Variants in GGT7 observed in about 807,000 individuals in gnomAD.
GGT7 encodes the protein gamma-glutamyltransferase 7.
A neutral mutation model predicts 69.2 loss-of-function variants in GGT7; 30 were observed. The observed-to-expected ratio is 0.43, with a 90% CI of 0.32 to 0.59. The LOEUF is 0.59. GGT7 is among the 20% of genes least tolerant of loss of function. The pLI, the probability that GGT7 is intolerant of heterozygous loss-of-function variation, is 0.05. For synonymous variants in GGT7, 388 were observed against 391.8 expected (o/e 0.99, Z 0.12); for missense variants, 733 against 901.1 (o/e 0.81, Z 2.39).
At chr20:34,854,689 G>T in intron 9 of GGT7, 70 bp from the exon 10 acceptor site, 1 of 1,576,724 alleles carries the variant, frequency 6.3e-7, no homozygotes, top group Non-Finnish European at 8.7e-7. Context: ...GTGGACTTTC[G>T]TGTGTGAGAA....
chr20:34,860,067 T>C, intron 5 of GGT7, 25 bp from the exon 6 acceptor site: 1 of 657,204 alleles, frequency 1.5e-6, no homozygotes, highest in Non-Finnish European at 2.1e-6. Flanking sequence ...GAGCAGGGGG[T>C]GGAGGAGGTC....
rs769420871 is a variant in GGT7 at position 34,854,908 on chromosome 20, C to T, written c.1118G>A (p.Ser373Asn). ...AGGGCCCGTGTGCGGAGGTGGGGGA[C>T]TAAGAACCAGGTGGCCTGAAAGGAC... ...CGVYRGHLVL[S>N]PPPPHTGPAL... The change falls in exon 9 of 15, where the codon AGT (serine) becomes AAT (asparagine). Residue 373 changes from serine (S) to asparagine (N), a missense_variant. Coordinates refer to ENST00000336431, the MANE Select transcript of GGT7 (RefSeq NM_178026.3). The T allele has an allele frequency of 6.2e-7, 1 of 1,613,896 alleles. No homozygotes were observed.
Position 34,845,304 on chromosome 20 carries a change from GA to G in GGT7, c.*23del. ...TGGGAACATGCAAAGTGGGGGAGCAGAGACCCCGCCCCACCCCGCTGCTCTA... is the reference window on the plus strand; with the variant it reads ...TGGGAACATGCAAAGTGGGGGAGCAGGACCCCGCCCCACCCCGCTGCTCTA... On this transcript the variant is annotated 3_prime_UTR_variant, in exon 15 of 15. Coordinates refer to ENST00000336431, the MANE Select transcript of GGT7 (RefSeq NM_178026.3). 1 of 1,599,812 alleles carries G rather than the reference GA, an allele frequency of 6.3e-7. No individual in the cohort carries two copies. Among genetic ancestry groups the G allele is most frequent in the South Asian group, 1.1e-5 (1 of 89,506 alleles).
At chr20:34,860,084 GAA>G in intron 5 of GGT7, 42 bp from the exon 6 acceptor site, 1 of 532,748 alleles carries the variant, frequency 1.9e-6, no homozygotes, top group South Asian at 1.5e-5. Flanking sequence ...GGTCCTGGGG[GAA>G]TGAGGAGGGG....
Position 34,872,712 on chromosome 20 carries a change from G to A in GGT7, c.104C>T (p.Pro35Leu), listed in dbSNP as rs1601253320. The A allele has an allele frequency of 1.3e-6, 2 of 1,488,842 alleles. No individual in the cohort carries two copies. The highest frequency in any genetic ancestry group is 1.8e-6 in the Non-Finnish European group (2 of 1,123,564). The allele number at this position is 1,488,842 out of a possible 1,614,324, so 92.2% of individuals were successfully genotyped here. ...GCCCCTCAGCGGGGCCGCGGGCGCCGGCTCGTCCTCGGGCAGCCGCGGGAA... is the reference window on the plus strand; with the variant it reads ...GCCCCTCAGCGGGGCCGCGGGCGCCAGCTCGTCCTCGGGCAGCCGCGGGAA... ...TSFPRLPEDE[P>L]APAAPLRGRK... Residue 35 changes from proline (P) to leucine (L), a missense_variant, in exon 1 of 15, where the codon CCG becomes CTG. Pro to Leu is a moderately conservative substitution (Grantham distance 98). Coordinates refer to ENST00000336431, the MANE Select transcript of GGT7 (RefSeq NM_178026.3).
chr20:34,868,881 G>A (rs2079735866), intron 1 of GGT7, among the ~76,000 whole-genome samples: 1 of 152,212 alleles, frequency 6.6e-6, no homozygotes, highest in African/African-American at 2.4e-5. Context: ...CCCACCAAAA[G>A]AAGGCAGAGC....
Position 34,861,571 on chromosome 20 carries a change from G to C in GGT7, c.558-9C>G, listed in dbSNP as rs1260956196. The stretch of plus-strand genomic sequence containing the variant: ...CCAGCATCACGCCCCCACTGGGAGA[G>C]ACACAGAAGGGGAAGTGTGATGATA... On this transcript the variant is annotated splice_polypyrimidine_tract_variant and intron_variant, in intron 3 of 14. Coordinates refer to ENST00000336431, the MANE Select transcript of GGT7 (RefSeq NM_178026.3). 2.1e-6 allele frequency: 3 copies of C among 1,417,718 alleles called. No homozygotes were observed. The highest frequency in any genetic ancestry group is 1.5e-5 in the South Asian group (1 of 67,186). 87.8% of individuals were successfully genotyped at this position (1,417,718 alleles called of 1,614,324 possible). A position where few individuals can be genotyped will look rare whatever the true frequency, so the allele number is the denominator to read the frequency against.
intron 13 of GGT7, 49 bp from the exon 14 acceptor site, chr20:34,850,109 G>C: frequency 8.0e-7 from 1 of 1,252,820 alleles, no homozygotes; most frequent in African/African-American, 1.5e-5. Flanking sequence ...AGGGGTGATG[G>C]TCCAGGATTC....
chr20:34,854,871 A>G lies in GGT7; in HGVS notation c.1155T>C (p.Ser385=), dbSNP rs1208279430. 1.9e-6 allele frequency: 3 copies of G among 1,613,932 alleles called. No individual in the cohort carries two copies. Among genetic ancestry groups the G allele is most frequent in the Non-Finnish European group, 2.5e-6 (3 of 1,179,912 alleles). ...PPPHTGPALI[S]ALNILEGFNL... ...TGAAGCCCTCCAGGATGTTGAGAGC[A>G]CTGATGAGGGCAGGGCCCGTGTGCG... The change falls in exon 9 of 15, where the codon AGT becomes AGC. Residue 385 remains serine (S), a synonymous_variant. Transcript: ENST00000336431.
intron 1 of GGT7, among the ~76,000 whole-genome samples, chr20:34,869,514 A>G (rs1232360975): frequency 2.0e-5 from 3 of 152,158 alleles, no homozygotes; most frequent in African/African-American, 7.2e-5. Context: ...CATGACCAGA[A>G]GCGATGGATG....
At chr20:34,859,766 T>C in intron 6 of GGT7, 127 bp from the exon 7 acceptor site, 1 of 862,368 alleles carries the variant, frequency 1.2e-6, no homozygotes, top group Non-Finnish European at 1.8e-6. Flanking sequence ...AGGAGCCTGT[T>C]AAGTGCGAGG....
chr20:34,859,703 A>G, intron 6 of GGT7, 64 bp from the exon 7 acceptor site: 1 of 1,342,862 alleles, frequency 7.4e-7, no homozygotes, highest in Admixed American at 2.2e-5. Context: ...TGAGACGCGC[A>G]ATAGATGGGG....
chr20:34,868,621 CTCCCTCA>C (rs1404183139), intron 1 of GGT7, among the ~76,000 whole-genome samples: 1 of 152,176 alleles, frequency 6.6e-6, no homozygotes, highest in Non-Finnish European at 1.5e-5. Context: ...TCTCAGCCAA[CTCCCTCA>C]TCCCTGACCA....
chr20:34,861,959 T>C (rs557620518), intron 3 of GGT7, among the ~76,000 whole-genome samples: 1 of 152,256 alleles, frequency 6.6e-6, no homozygotes, highest in Non-Finnish European at 1.5e-5. Context: ...TATGTAAGGA[T>C]AGAACATGCA....
Position 34,861,504 on chromosome 20 carries a change from G to T in GGT7, c.616C>A (p.Arg206=). ...CTGAGGGCCCCTGGTGCGGACTCCCGGAAATCAATTAGGTGGCTCTCATTT... is the reference window on the plus strand; with the variant it reads ...CTGAGGGCCCCTGGTGCGGACTCCCTGAAATCAATTAGGTGGCTCTCATTT... ...RRNESHLIDF[R]ESAPGALREE... is the part of the protein sequence containing the mutation. Residue 206 remains arginine, a synonymous_variant, in exon 4 of 15, where the codon CGG becomes AGG. Coordinates refer to ENST00000336431, the MANE Select transcript of GGT7 (RefSeq NM_178026.3). 1 of 1,546,142 alleles carries T rather than the reference G, an allele frequency of 6.5e-7. No homozygotes were observed. The highest frequency in any genetic ancestry group is 8.8e-7 in the Non-Finnish European group (1 of 1,135,158).
rs762380218 is a variant in GGT7, at chr20:34,872,838, C to T, written c.-23G>A. The T allele has an allele frequency of 7.6e-7, 1 of 1,322,724 alleles. No individual in the cohort carries two copies. The highest frequency in any genetic ancestry group is 2.1e-5 in the South Asian group (1 of 48,466). 81.9% of individuals were successfully genotyped at this position (1,322,724 alleles called of 1,614,324 possible). A position where few individuals can be genotyped will look rare whatever the true frequency, so the allele number is the denominator to read the frequency against. On this transcript the variant is annotated 5_prime_UTR_variant, in exon 1 of 15. Coordinates refer to ENST00000336431, the MANE Select transcript of GGT7 (RefSeq NM_178026.3). ...CATCCTCGCCCGCGCCCCCCAGCAG[C>T]GCAGCGCCTGCCGGAAGTGGCTGCG...
In GGT7 at chr20:34,863,558, G is replaced by A. The variant is rs1353533081; in HGVS notation, c.170-10C>T. The A allele has an allele frequency of 1.9e-6, 3 of 1,546,626 alleles. No individual in the cohort carries two copies. The East Asian group carries it at 7.3e-5, about 37-fold the overall frequency. ...AGGAAGGAGTCCGGGTCTGCGGGCA[G>A]GCAGCCGGGGTCGGTCTGGGCATCT... On this transcript the variant is annotated splice_polypyrimidine_tract_variant and intron_variant, in intron 1 of 14. Coordinates refer to ENST00000336431, the MANE Select transcript of GGT7 (RefSeq NM_178026.3). The surrounding 1 kb of genome is among the most constrained non-coding windows in gnomAD (Gnocchi z 4.4).
intron 13 of GGT7, chr20:34,850,885 C>T (rs1184261095): frequency 1.7e-6 from 1 of 595,628 alleles, no homozygotes. Context: ...TTTCAAATCC[C>T]ACCCTAAAGA....
chr20:34,860,120 G>A, intron 5 of GGT7, 78 bp from the exon 6 acceptor site: 1 of 984,932 alleles, frequency 1.0e-6, no homozygotes, highest in South Asian at 1.3e-5. Flanking sequence ...GGGTTCCTGG[G>A]AAGGAGAGTC....
Sources: gnomAD v4.1 joint callset for allele counts (sites outside exome capture counted in the v4.1 genomes callset) on GRCh38, gnomAD v4.1.1 for gene constraint, Gnocchi (gnomAD v3.1) non-coding constraint, MANE v1.5 for transcripts, NCBI Gene and HGNC (gene_info 2026-07-23, HGNC 2026-07-21) for gene names.